Variants in DLGAP2 observed in about 807,000 individuals in gnomAD.
DLGAP2 encodes DLG associated protein 2, also known as disks large-associated protein 2.
In DLGAP2, 26 loss-of-function variants were observed where a neutral mutation model predicts 100.3. The observed-to-expected ratio is 0.26, with a 90% confidence interval of 0.19 to 0.36. The LOEUF is 0.36. Among genes scored for constraint, DLGAP2 ranks in the 10% least tolerant of loss-of-function variants. The pLI, the probability that DLGAP2 is intolerant of heterozygous loss-of-function variation, is 1.00. For missense variants in DLGAP2, 1,858 were observed against 1,453.2 expected (o/e 1.28, Z -4.53); for synonymous variants, 886 against 630.1 (o/e 1.41, Z -6.08).
chr8:1,407,787 C>G (rs7835817), intron 3 of DLGAP2, among the ~76,000 whole-genome samples: 3 of 149,058 alleles, frequency 2.0e-5, no homozygotes, highest in Non-Finnish European at 4.5e-5. Context: ...GCGCCACCTC[C>G]TCATCCTCCG....
intron 8 of DLGAP2, among the ~76,000 whole-genome samples, chr8:1,641,342 C>T (rs1310202393): frequency 6.6e-6 from 1 of 152,146 alleles, no homozygotes; most frequent in Non-Finnish European, 1.5e-5. Context: ...CTGCTCTTCC[C>T]TTCAAAACCA....
intron 8 of DLGAP2, among the ~76,000 whole-genome samples, chr8:1,639,171 C>G (rs183726197): frequency 6.6e-6 from 1 of 152,022 alleles, no homozygotes; most frequent in African/African-American, 2.4e-5. Flanking sequence ...GAGGTGCGGT[C>G]CAGAGCCATG....
intron 3 of DLGAP2, among the ~76,000 whole-genome samples, chr8:1,318,837 C>G (rs76613541): frequency 0.034 from 4,854 of 144,582 alleles, 269 homozygotes; most frequent in African/African-American, 0.12. Context: ...CAACAGCTGC[C>G]GGAATGGTCT....
At chr8:1,525,277 C>T (rs1266849704) in intron 4 of DLGAP2, among the ~76,000 whole-genome samples, 1 of 143,998 alleles carries the variant, frequency 6.9e-6, no homozygotes, top group Non-Finnish European at 1.5e-5. Flanking sequence ...GTTCAAAATT[C>T]AAACCAGGCT....
At chr8:1,617,998 C>G (rs1156607439) in intron 6 of DLGAP2, among the ~76,000 whole-genome samples, 1 of 152,064 alleles carries the variant, frequency 6.6e-6, no homozygotes, top group Non-Finnish European at 1.5e-5. Context: ...GAAAAAATGT[C>G]AACATTAAGG....
intron 3 of DLGAP2, among the ~76,000 whole-genome samples, chr8:1,424,537 A>T (rs1450357318): frequency 6.6e-6 from 1 of 152,266 alleles, no homozygotes; most frequent in Non-Finnish European, 1.5e-5. Context: ...GTGAACCCTG[A>T]GGACACTATG....
intron 2 of DLGAP2, among the ~76,000 whole-genome samples, chr8:1,247,303 T>C: frequency 1.4e-5 from 1 of 71,640 alleles, no homozygotes. Context: ...GGGAAGACCA[T>C]TGAGATCAGT....
chr8:1,077,022 C>T (rs1191597956), intron 2 of DLGAP2, among the ~76,000 whole-genome samples: 1 of 150,562 alleles, frequency 6.6e-6, no homozygotes, highest in Admixed American at 6.6e-5. Context: ...AGGAGTCTGT[C>T]CCGGGCCCCC....
intron 2 of DLGAP2, among the ~76,000 whole-genome samples, chr8:1,181,812 G>A (rs921370121): frequency 7.2e-5 from 11 of 152,140 alleles, no homozygotes; most frequent in African/African-American, 2.4e-4. Context: ...AGGCACCCAC[G>A]CAGAAGGCTA....
chr8:1,272,313 C>T (rs1424206230), intron 3 of DLGAP2, among the ~76,000 whole-genome samples: 2 of 151,948 alleles, frequency 1.3e-5, no homozygotes, highest in Admixed American at 6.6e-5. Context: ...ATAGCGGGTC[C>T]AGAGTGTGCA....
rs76379541 is a variant in DLGAP2, at chr8:1,241,809, G to A, written c.74-17042G>A. Among the ~76,000 whole-genome samples the A allele has an allele frequency of 3.7e-3, 569 of 151,938 alleles. 4 individuals are homozygous for A. The highest frequency in any genetic ancestry group is 0.021 in the East Asian group (109 of 5,178). On this transcript the variant is annotated intron_variant, in intron 2 of 14. Transcript: ENST00000637795. ...GTCTTGTTTAATTTTAAAGTTCAGCGGCAGGACACTCTTAAATCTTATGAG... is the reference window on the plus strand; with the variant it reads ...GTCTTGTTTAATTTTAAAGTTCAGCAGCAGGACACTCTTAAATCTTATGAG...
chr8:1,028,381 G>A (rs9694679), intron 2 of DLGAP2, among the ~76,000 whole-genome samples: 15 of 143,990 alleles, frequency 1.0e-4, no homozygotes, highest in African/African-American at 3.1e-4. Flanking sequence ...TCAGGCACCC[G>A]TTATTCTCCA....
rs111388794 is a variant in DLGAP2, at chr8:1,697,368, G to C, written c.2949+69G>C. On this transcript the variant is annotated intron_variant, in intron 14 of 14. Transcript: ENST00000637795. Reference sequence around the variant, plus strand: ...CTCACTGCACTAACGACCTGCTGCAGATAGAGCATGACAACGGGGTTCTCA... The same window carrying C: ...CTCACTGCACTAACGACCTGCTGCACATAGAGCATGACAACGGGGTTCTCA... 95 of 1,515,106 alleles carry C rather than the reference G, an allele frequency of 6.3e-5. No homozygotes were observed. The African/African-American group carries it at 1.0e-3, about 16-fold the overall frequency. The allele number at this position is 1,515,106 out of a possible 1,614,324, so 93.9% of individuals were successfully genotyped here.
intron 1 of DLGAP2, among the ~76,000 whole-genome samples, chr8:740,744 T>A (rs1487096667): frequency 1.3e-5 from 2 of 152,218 alleles, no homozygotes; most frequent in African/African-American, 4.8e-5. Context: ...ATAATTTTTT[T>A]ATTATATAAC....
chr8:1,137,444 A>G (rs1796441082), intron 2 of DLGAP2: 1 of 152,564 alleles, frequency 6.6e-6, no homozygotes, highest in East Asian at 1.9e-4. Flanking sequence ...ACACTGTCCC[A>G]TTGCTGCATG....
intron 4 of DLGAP2, among the ~76,000 whole-genome samples, chr8:1,545,282 G>A (rs1425298650): frequency 2.6e-5 from 4 of 152,024 alleles, no homozygotes; most frequent in African/African-American, 9.7e-5. Flanking sequence ...CCACAAGCAC[G>A]GCGTGCACCC....
Position 1,040,093 on chromosome 8 carries a change from C to T in DLGAP2, c.73+132127C>T, listed in dbSNP as rs569124061. On this transcript the variant is annotated intron_variant, in intron 2 of 14. Coordinates refer to ENST00000637795, the MANE Select transcript of DLGAP2 (RefSeq NM_001346810.2). ...CGGTTTCCGTGGTCAGCTCGGTTTC[C>T]GTGGTCGGCTCGGTGTGCGTGGTCG... Among the ~76,000 whole-genome samples the T allele has an allele frequency of 1.7e-3, 245 of 145,512 alleles. 1 individual carries two copies. Among genetic ancestry groups the T allele is most frequent in the African/African-American group, 5.8e-3 (223 of 38,780 alleles).
At chr8:1,589,298 TG>T (rs1368062046) in intron 6 of DLGAP2, among the ~76,000 whole-genome samples, 1 of 152,234 alleles carries the variant, frequency 6.6e-6, no homozygotes, top group African/African-American at 2.4e-5. Context: ...AAATTATCCT[TG>T]TATTGCAGTT....
Position 1,701,453 on chromosome 8 carries a change from G to A in DLGAP2, c.*47G>A, listed in dbSNP as rs1194151200. The A allele has an allele frequency of 4.6e-6, 7 of 1,527,948 alleles. No homozygotes were observed. The highest frequency in any genetic ancestry group is 2.4e-5 in the South Asian group (2 of 83,162). The allele number at this position is 1,527,948 out of a possible 1,614,324, so 94.6% of individuals were successfully genotyped here. A position where few individuals can be genotyped will look rare whatever the true frequency, so the allele number is the denominator to read the frequency against. On this transcript the variant is annotated 3_prime_UTR_variant, in exon 15 of 15. Coordinates refer to ENST00000637795, the MANE Select transcript of DLGAP2 (RefSeq NM_001346810.2). ...CCTCGTCGCTTCCGCTTTCCCGGAC[G>A]CTTGTGCAGCGCGGCGCCGCCCTGG...
Sources: gnomAD v4.1 joint callset for allele counts (sites outside exome capture counted in the v4.1 genomes callset) on GRCh38, gnomAD v4.1.1 for gene constraint, MANE v1.5 for transcripts, NCBI Gene and HGNC (gene_info 2026-07-23, HGNC 2026-07-21) for gene names.